ABCC4: variants seen among roughly 807,000 people sequenced by gnomAD.
ABCC4 encodes ATP-binding cassette sub-family C member 4.
ABCC4 carries 102 observed loss-of-function variants against 168.5 expected under a neutral mutation model. The ratio of observed to expected loss-of-function variants is 0.61; its 90% CI spans 0.52 to 0.71. The LOEUF (loss-of-function observed/expected upper bound fraction) is 0.71. Ranked by LOEUF, ABCC4 falls within the 30% of genes least tolerant of loss-of-function variation. ABCC4 has a pLI of 0.00. For synonymous variants in ABCC4, 617 were observed against 590.7 expected, an observed-to-expected ratio of 1.04 and a Z score of -0.65; for missense variants, 1,402 against 1,605.8, an observed-to-expected ratio of 0.87 and a Z score of 2.17.
At chr13:95,081,778 G>A (rs1189440) in intron 21 of ABCC4, among the ~76,000 whole-genome samples, 142,088 of 152,156 alleles carry the variant, frequency 0.93, 66,463 homozygotes, top group Non-Finnish European at 0.96. Flanking sequence ...AGGCAGGTGG[G>A]TCACTTGAGG....
At chr13:95,169,192 A>G (rs1365870407) in intron 14 of ABCC4, among the ~76,000 whole-genome samples, 1 of 152,172 alleles carries the variant, frequency 6.6e-6, no homozygotes, top group African/African-American at 2.4e-5. Context: ...GCAGCCTCAG[A>G]ACAGTGAGAC....
chr13:95,294,288 G>T (rs963505668), intron 1 of ABCC4, among the ~76,000 whole-genome samples: 1 of 151,918 alleles, frequency 6.6e-6, no homozygotes, highest in Admixed American at 6.6e-5. Flanking sequence ...GCTTGAACCC[G>T]GGAGGCAGAG....
At chr13:95,168,805 G>A (rs55979044) in intron 14 of ABCC4, among the ~76,000 whole-genome samples, 2,858 of 152,152 alleles carry the variant, frequency 0.019, 79 homozygotes, top group African/African-American at 0.064. Flanking sequence ...CCATGTCCCC[G>A]GCCACGCTAG....
intron 19 of ABCC4, among the ~76,000 whole-genome samples, chr13:95,152,564 C>T (rs983900409): frequency 6.6e-6 from 1 of 152,102 alleles, no homozygotes; most frequent in African/African-American, 2.4e-5. Flanking sequence ...TACGTAATTA[C>T]CTAAATTAGA....
chr13:95,072,080 C>T (rs960149781), intron 24 of ABCC4, among the ~76,000 whole-genome samples: 1 of 152,150 alleles, frequency 6.6e-6, no homozygotes, highest in Non-Finnish European at 1.5e-5. Context: ...GAAATGAATG[C>T]TTAGATTTTA....
At chr13:95,126,549 C>T (rs1008428858) in intron 19 of ABCC4, among the ~76,000 whole-genome samples, 7 of 151,694 alleles carry the variant, frequency 4.6e-5, no homozygotes, top group Admixed American at 4.6e-4. Context: ...TCCCACTACC[C>T]ACCCTATGTA....
chr13:95,041,407 ATATC>A (rs2032353649), intron 29 of ABCC4, among the ~76,000 whole-genome samples: 1 of 152,266 alleles, frequency 6.6e-6, no homozygotes, highest in South Asian at 2.1e-4. Context: ...AAACAAAACT[ATATC>A]TATCCGTCTT....
At chr13:95,037,834 C>T (rs1170791331) in intron 29 of ABCC4, among the ~76,000 whole-genome samples, 1 of 152,058 alleles carries the variant, frequency 6.6e-6, no homozygotes, top group East Asian at 1.9e-4. Flanking sequence ...TTACTGTGTG[C>T]CTGGCATATA....
At chr13:95,286,031 G>A (rs1389348497) in intron 1 of ABCC4, among the ~76,000 whole-genome samples, 1 of 151,946 alleles carries the variant, frequency 6.6e-6, no homozygotes, top group Non-Finnish European at 1.5e-5. Context: ...GTGTGGTGGT[G>A]CTATTAACGG....
chr13:95,166,677 A>T (rs527926660), intron 14 of ABCC4, among the ~76,000 whole-genome samples: 1 of 152,316 alleles, frequency 6.6e-6, no homozygotes, highest in East Asian at 1.9e-4. Flanking sequence ...ACTGTGATAA[A>T]CCTTATGCAA....
chr13:95,152,346 G>T (rs2036714602), intron 19 of ABCC4, among the ~76,000 whole-genome samples: 2 of 152,166 alleles, frequency 1.3e-5, no homozygotes, highest in African/African-American at 4.8e-5. Flanking sequence ...TTCTTTATGG[G>T]TGTTGCTTAA....
Position 95,244,615 on chromosome 13 carries a change from AAGAAAGAAAG to A in ABCC4, c.306+2350_306+2359del, listed in dbSNP as rs2040041561. ...ATAACATGAAAGAAAGAAAGAAAGA[AAGAAAGAAAG>A]AAAGAAAGAAAGAAAGAAAGAAAGA... On this transcript the variant is annotated intron_variant, in intron 3 of 30. Transcript: ENST00000645237. 3.3e-5 allele frequency among the ~76,000 whole-genome samples: 2 copies of A among 60,682 alleles called. 1 individual carries two copies. The highest frequency in any genetic ancestry group is 2.4e-4 in the African/African-American group (2 of 8,172). The allele number at this position is 60,682 out of a possible 152,430, so 39.8% of individuals were successfully genotyped here.
intron 19 of ABCC4, 37 bp from the exon 20 acceptor site, chr13:95,116,038 CA>C (rs767761368): frequency 6.8e-7 from 1 of 1,460,828 alleles, no homozygotes; most frequent in East Asian, 2.3e-5. Context: ...CTCATTTCCC[CA>C]GATAGACCCT....
intron 8 of ABCC4, among the ~76,000 whole-genome samples, chr13:95,197,691 T>A (rs923441620): frequency 1.4e-4 from 22 of 152,232 alleles, no homozygotes; most frequent in Admixed American, 5.2e-4. Context: ...GACTTCAGAG[T>A]GGACGGTTGG....
chr13:95,301,269 C>A lies in ABCC4; in HGVS notation c.46G>T (p.Ala16Ser). 3 of 1,594,964 alleles carry A rather than the reference C, an allele frequency of 1.9e-6. No homozygotes were observed. In the South Asian group the frequency reaches 3.4e-5, roughly 18 times the overall value. ...AAGAACACGCGTGAGCAGAGGTTCGCGTCCTGCAGCGGGTTGGGCTTCACC... is the reference window on the plus strand; with the variant it reads ...AAGAACACGCGTGAGCAGAGGTTCGAGTCCTGCAGCGGGTTGGGCTTCACC... The part of the protein sequence containing the change: ...QEVKPNPLQD[A>S]NLCSRVFFWW... Residue 16 changes from alanine (A) to serine (S), a missense_variant, in exon 1 of 31, where the codon GCG becomes TCG. Ala to Ser is a moderately conservative substitution (Grantham distance 99). Transcript: ENST00000645237.
At chr13:95,061,396 G>T (rs2033286187) in intron 26 of ABCC4, among the ~76,000 whole-genome samples, 1 of 152,100 alleles carries the variant, frequency 6.6e-6, no homozygotes, top group Non-Finnish European at 1.5e-5. Context: ...TGTTTTAGAG[G>T]TCAGTGCTAG....
chr13:95,025,608 T>A (rs2031500539), intron 30 of ABCC4, among the ~76,000 whole-genome samples: 1 of 150,932 alleles, frequency 6.6e-6, no homozygotes, highest in Non-Finnish European at 1.5e-5. Context: ...ACAACTATCC[T>A]GTAACTATCT....
At chr13:95,092,207 A>G (rs2034456944) in intron 20 of ABCC4, among the ~76,000 whole-genome samples, 1 of 152,180 alleles carries the variant, frequency 6.6e-6, no homozygotes, top group Non-Finnish European at 1.5e-5. Context: ...GCAACACAAT[A>G]ACAGTGGGGG....
chr13:95,102,896 C>T (rs2034863550), intron 20 of ABCC4, among the ~76,000 whole-genome samples: 1 of 151,030 alleles, frequency 6.6e-6, no homozygotes, highest in South Asian at 2.1e-4. Flanking sequence ...GCTGGGATTA[C>T]AGGTGTGAAC....
Sources: allele counts gnomAD v4.1 joint callset (sites outside exome capture counted in the v4.1 genomes callset), GRCh38; gene constraint gnomAD v4.1.1; transcripts MANE v1.5; gene names NCBI Gene and HGNC (gene_info 2026-07-23, HGNC 2026-07-21).